Variants in UBL3 observed in about 807,000 individuals in gnomAD.
UBL3 encodes ubiquitin like 3, also known as ubiquitin-like protein 3.
In UBL3, 6 loss-of-function variants were observed where a neutral mutation model predicts 18.4. That is an observed-to-expected ratio of 0.33 (90% CI 0.18 to 0.64). UBL3 has a LOEUF of 0.64. Among genes scored for constraint, UBL3 ranks in the 30% least tolerant of loss-of-function variants. UBL3 has a pLI of 0.76. For missense variants in UBL3, 109 were observed against 142.9 expected (o/e 0.76, Z 1.21); for synonymous variants, 49 against 46.6 (o/e 1.05, Z -0.21).
chr13:29,835,125 A>AATATATATATATATAT (rs59643985), intron 1 of UBL3, among the ~76,000 whole-genome samples: 3 of 23,432 alleles, frequency 1.3e-4, no homozygotes, highest in African/African-American at 2.4e-4. Context: ...TATATATATA[A>AATATATATATATATAT]ATATATATAT....
At chr13:29,770,291 T>C (rs1468631662) in intron 3 of UBL3, among the ~76,000 whole-genome samples, 1 of 152,070 alleles carries the variant, frequency 6.6e-6, no homozygotes, top group African/African-American at 2.4e-5. Flanking sequence ...AACATCCAGC[T>C]ACAATTATTA....
At chr13:29,822,937 ACACAT>A (rs933221236) in intron 1 of UBL3, among the ~76,000 whole-genome samples, 8 of 152,232 alleles carry the variant, frequency 5.3e-5, no homozygotes, top group Non-Finnish European at 8.8e-5. Context: ...ACACAAACAC[ACACAT>A]CACATCACAC....
intron 1 of UBL3, among the ~76,000 whole-genome samples, chr13:29,835,150 ATATATATATATAT>A (rs1878919895): frequency 3.8e-5 from 1 of 26,526 alleles, no homozygotes; most frequent in Non-Finnish European, 6.9e-5. Flanking sequence ...ATATATATAT[ATATATATATATAT>A]ATATATATAT....
At chr13:29,827,624 T>A (rs1006039319) in intron 1 of UBL3, among the ~76,000 whole-genome samples, 4 of 152,230 alleles carry the variant, frequency 2.6e-5, no homozygotes, top group Non-Finnish European at 4.4e-5. Flanking sequence ...GGGTCTTGAC[T>A]CTTTATCCAA....
intron 1 of UBL3, among the ~76,000 whole-genome samples, chr13:29,831,674 A>C (rs953908128): frequency 2.6e-5 from 4 of 151,982 alleles, no homozygotes; most frequent in African/African-American, 7.2e-5. Context: ...CAGAAAAGTT[A>C]AAAGAAAGGC....
chr13:29,814,193 A>G (rs942222321), intron 1 of UBL3, among the ~76,000 whole-genome samples: 1 of 152,230 alleles, frequency 6.6e-6, no homozygotes, highest in East Asian at 1.9e-4. Flanking sequence ...TGCACAGCCA[A>G]TAAGAATAAA....
At chr13:29,781,045 C>T (rs922894423) in intron 1 of UBL3, among the ~76,000 whole-genome samples, 49 of 152,098 alleles carry the variant, frequency 3.2e-4, no homozygotes, top group Non-Finnish European at 5.0e-4. Flanking sequence ...CATGGTGATG[C>T]GCGCTTGTAG....
At chr13:29,796,470 T>C (rs1393381862) in intron 1 of UBL3, among the ~76,000 whole-genome samples, 1 of 152,212 alleles carries the variant, frequency 6.6e-6, no homozygotes, top group Non-Finnish European at 1.5e-5. Flanking sequence ...CCCAATTACC[T>C]ATAATTCTTA....
intron 1 of UBL3, among the ~76,000 whole-genome samples, chr13:29,816,754 CAA>C (rs57272367): frequency 9.4e-5 from 4 of 42,622 alleles, no homozygotes; most frequent in African/African-American, 2.0e-4. Context: ...GACCCTGTCT[CAA>C]AAAAAAAAAA....
At chr13:29,798,978 G>T (rs946986783) in intron 1 of UBL3, among the ~76,000 whole-genome samples, 3 of 152,120 alleles carry the variant, frequency 2.0e-5, no homozygotes, top group African/African-American at 7.2e-5. Flanking sequence ...CTTGAATGAG[G>T]TTAAATATCT....
intron 1 of UBL3, among the ~76,000 whole-genome samples, chr13:29,842,719 G>A (rs559047980): frequency 3.0e-4 from 45 of 151,854 alleles, no homozygotes; most frequent in African/African-American, 1.0e-3. Flanking sequence ...TCTCCTCTAC[G>A]AGCTCAAAGT....
At chr13:29,840,569 A>G (rs555440901) in intron 1 of UBL3, among the ~76,000 whole-genome samples, 4 of 152,100 alleles carry the variant, frequency 2.6e-5, no homozygotes, top group East Asian at 1.9e-4. Flanking sequence ...AAAAAACTCA[A>G]TGAAGTATTA....
At chr13:29,824,156 T>G (rs1459300351) in intron 1 of UBL3, among the ~76,000 whole-genome samples, 1 of 152,212 alleles carries the variant, frequency 6.6e-6, no homozygotes, top group Non-Finnish European at 1.5e-5. Flanking sequence ...TGAATAGTGC[T>G]GCAATGAACA....
chr13:29,844,938 ATTTAT>A (rs1879195130), intron 1 of UBL3, among the ~76,000 whole-genome samples: 2 of 8,602 alleles, frequency 2.3e-4, no homozygotes. Context: ...ACGGAACAAT[ATTTAT>A]TTTTTTCTGT....
rs199913523 is a variant in UBL3 at position 29,787,599 on chromosome 13, C to A, written c.28-10336G>T. Among the ~76,000 whole-genome samples the A allele has an allele frequency of 3.3e-5, 5 of 152,264 alleles. No individual in the cohort carries two copies. The East Asian group carries it at 7.7e-4, about 24-fold the overall frequency. ...AAACCTGACTGTAGGATATCCCTTGCATCTAGGATACAAGGTAACAGCTTT... is the reference window on the plus strand; with the variant it reads ...AAACCTGACTGTAGGATATCCCTTGAATCTAGGATACAAGGTAACAGCTTT... On this transcript the variant is annotated intron_variant, in intron 1 of 4. Transcript: ENST00000380680.
intron 1 of UBL3, among the ~76,000 whole-genome samples, chr13:29,808,450 T>C (rs17587218): frequency 0.024 from 3,664 of 152,268 alleles, 68 homozygotes; most frequent in Middle Eastern, 0.078. Flanking sequence ...TCCATTTCAC[T>C]GTACAGCCTG....
At chr13:29,835,184 A>ATATATC (rs1566001185) in intron 1 of UBL3, among the ~76,000 whole-genome samples, 3 of 89,598 alleles carry the variant, frequency 3.3e-5, no homozygotes, top group African/African-American at 1.3e-4. Flanking sequence ...ATATATATAT[A>ATATATC]TCTCCACCCT....
At chr13:29,773,829 C>T (rs1028938091) in intron 2 of UBL3, among the ~76,000 whole-genome samples, 6 of 152,086 alleles carry the variant, frequency 3.9e-5, no homozygotes, top group African/African-American at 1.4e-4. Flanking sequence ...ACTATTCCAC[C>T]TGTTAGTAAT....
intron 3 of UBL3, among the ~76,000 whole-genome samples, chr13:29,770,661 C>T (rs1876817121): frequency 6.6e-6 from 1 of 151,776 alleles, no homozygotes; most frequent in Non-Finnish European, 1.5e-5. Context: ...CAACATTTAC[C>T]AATTTTTAAT....
Sources: gnomAD v4.1 joint callset for allele counts (sites outside exome capture counted in the v4.1 genomes callset) on GRCh38, gnomAD v4.1.1 for gene constraint, MANE v1.5 for transcripts, NCBI Gene and HGNC (gene_info 2026-07-23, HGNC 2026-07-21) for gene names.